Variants in PRKX observed in about 807,000 individuals in gnomAD.
PRKX encodes cAMP-dependent protein kinase catalytic subunit PRKX.
A neutral mutation model predicts 22.0 loss-of-function variants in PRKX; 12 were observed. The observed-to-expected ratio is 0.54, with a 90% confidence interval of 0.35 to 0.88. The LOEUF (loss-of-function observed/expected upper bound fraction) is 0.88. Ranked by LOEUF, PRKX falls within the 40% of genes least tolerant of loss-of-function variation. The pLI is 0.01. For missense variants in PRKX, 217 were observed against 308.0 expected, an observed-to-expected ratio of 0.70 and a Z score of 2.21; for synonymous variants, 134 against 137.7, an observed-to-expected ratio of 0.97 and a Z score of 0.19.
Position 3,642,078 on chromosome X carries a change from G to A in PRKX, c.600-107C>T, listed in dbSNP as rs143249403. On this transcript the variant is annotated intron_variant, in intron 3 of 8. Transcript: ENST00000262848. ...CAATAACTTCGTTGAGTAAAACCAC[G>A]CTCCGTTTACCCTCCTGTGCACATA... The A allele has an allele frequency of 3.4e-4, 327 of 950,595 alleles. 1 individual carries two copies. The African/African-American group carries it at 5.9e-3, about 17-fold the overall frequency. The allele number at this position is 950,595 out of a possible 1,213,427, so 78.3% of individuals were successfully genotyped here.
In PRKX at chrX:3,694,339, G is replaced by C. The variant is rs7887193; in HGVS notation, c.166+18749C>G. 7.7e-3 allele frequency among the ~76,000 whole-genome samples: 857 copies of C among 110,696 alleles called. 5 individuals carry two copies. The highest frequency in any genetic ancestry group is 0.027 in the African/African-American group (822 of 30,423). ...GGAGGCAGAGGTTACAGTGAGCCGA[G>C]ATGATGCCACTGCACTCCAGCCTGG... is the stretch of plus-strand genomic sequence containing the variant. On this transcript the variant is annotated intron_variant, in intron 1 of 8. Transcript: ENST00000262848.
chrX:3,665,463 G>A (rs773499244), intron 2 of PRKX, among the ~76,000 whole-genome samples: 16 of 110,412 alleles, frequency 1.4e-4, no homozygotes, highest in Non-Finnish European at 2.6e-4. Flanking sequence ...GTGACAGAGC[G>A]AGACTCCATC....
intron 1 of PRKX, among the ~76,000 whole-genome samples, chrX:3,706,850 G>C (rs7063670): frequency 0.052 from 5,825 of 111,986 alleles, 287 homozygotes; most frequent in African/African-American, 0.16. Flanking sequence ...AAGGCTACAA[G>C]CATGGTGGAT....
In PRKX at chrX:3,713,080, T is replaced by G. The variant is rs755962744; in HGVS notation, c.166+8A>C. 6.0e-6 allele frequency: 7 copies of G among 1,160,442 alleles called. No individual in the cohort carries two copies. Among genetic ancestry groups the G allele is most frequent in the Non-Finnish European group, 6.9e-6 (6 of 873,355 alleles). ...CTGTGGGCCGAGTCCCCGCCCGCAC[T>G]CACTCACCCACGGTGGCCAGCGTGT... is the stretch of plus-strand genomic sequence containing the variant. On this transcript the variant is annotated splice_region_variant and intron_variant, in intron 1 of 8. Transcript: ENST00000262848.
rs1297841279 is a variant in PRKX at position 3,625,896 on chromosome X, A to G, written c.815+523T>C. On this transcript the variant is annotated intron_variant, in intron 5 of 8. Coordinates refer to ENST00000262848, the MANE Select transcript of PRKX (RefSeq NM_005044.5). The stretch of plus-strand genomic sequence containing the variant: ...GCGTTCTTATATTTAAGAAAATAAT[A>G]TATTTTTTCCCTACTGCCACGACCT... 5.4e-5 allele frequency among the ~76,000 whole-genome samples: 6 copies of G among 111,926 alleles called. No homozygotes were observed. The Admixed American group carries it at 5.7e-4, about 11-fold the overall frequency.
chrX:3,677,872 G>C (rs1319764097), intron 1 of PRKX, among the ~76,000 whole-genome samples: 1 of 112,112 alleles, frequency 8.9e-6, no homozygotes, highest in African/African-American at 3.2e-5. Flanking sequence ...TAGCTGACAG[G>C]TGTTAAATAT....
At chrX:3,618,607 T>C (rs908333760) in intron 6 of PRKX, among the ~76,000 whole-genome samples, 3 of 108,957 alleles carry the variant, frequency 2.8e-5, no homozygotes, top group African/African-American at 1.0e-4. Flanking sequence ...AATACCATTT[T>C]CATGTGTTAA....
chrX:3,605,012 G>GACACACATACACACACACACACACAC lies in PRKX; in HGVS notation c.*3956_*3957insGTGTGTGTGTGTGTGTGTATGTGTGT, dbSNP rs1926131815. On this transcript the variant is annotated 3_prime_UTR_variant, in exon 9 of 9. Transcript: ENST00000262848. Reference sequence around the variant, plus strand: ...AAATACAGCCCCTCACCTTCACCAAGACACACACACACACACACACACACA... The same window carrying GACACACATACACACACACACACACAC: ...AAATACAGCCCCTCACCTTCACCAAGACACACATACACACACACACACACACACACACACACACACACACACACACA... 1 of 84,556 alleles carries GACACACATACACACACACACACACAC rather than the reference G, an allele frequency of 1.2e-5. No homozygotes were observed. The highest frequency in any genetic ancestry group is 4.4e-5 in the African/African-American group (1 of 22,509). 7.0% of individuals were successfully genotyped at this position (84,556 alleles called of 1,213,427 possible). A position where few individuals can be genotyped will look rare whatever the true frequency, so the allele number is the denominator to read the frequency against.
chrX:3,605,764 T>C lies in PRKX; in HGVS notation c.*3205A>G, dbSNP rs1299326344. ...AACAAGTGATTGTGCAGTTGTTTGA[T>C]GGGCATGGAGAGGGAGTGGGGCTGA... On this transcript the variant is annotated 3_prime_UTR_variant, in exon 9 of 9. Coordinates refer to ENST00000262848, the MANE Select transcript of PRKX (RefSeq NM_005044.5). 8.9e-6 allele frequency: 1 copy of C among 112,362 alleles called. No individual in the cohort carries two copies. The highest frequency in any genetic ancestry group is 3.2e-5 in the African/African-American group (1 of 30,926). The allele number at this position is 112,362 out of a possible 1,213,427, so 9.3% of individuals were successfully genotyped here. A position where few individuals can be genotyped will look rare whatever the true frequency, so the allele number is the denominator to read the frequency against.
At chrX:3,621,825 C>G (rs918398079) in intron 5 of PRKX, among the ~76,000 whole-genome samples, 2 of 111,253 alleles carry the variant, frequency 1.8e-5, no homozygotes, top group African/African-American at 6.5e-5. Context: ...TTTTAAATAA[C>G]AGACCATGTC....
intron 5 of PRKX, among the ~76,000 whole-genome samples, chrX:3,624,673 G>T (rs1272408009): frequency 9.1e-6 from 1 of 110,364 alleles, no homozygotes; most frequent in Non-Finnish European, 1.9e-5. Flanking sequence ...AGTCTGGAGT[G>T]CAGTGGTGCA....
At chrX:3,626,825 T>C (rs1374667329) in intron 4 of PRKX, among the ~76,000 whole-genome samples, 1 of 111,672 alleles carries the variant, frequency 9.0e-6, no homozygotes, top group African/African-American at 3.3e-5. Flanking sequence ...CACCAGCCCA[T>C]TCCTTAACTG....
At chrX:3,650,067 C>G (rs1484171541) in intron 3 of PRKX, among the ~76,000 whole-genome samples, 1 of 109,981 alleles carries the variant, frequency 9.1e-6, no homozygotes. Context: ...CTTGAGCCTG[C>G]AAGTTCGAGG....
At chrX:3,703,654 T>C (rs1189548768) in intron 1 of PRKX, among the ~76,000 whole-genome samples, 150 of 100,693 alleles carry the variant, frequency 1.5e-3, no homozygotes, top group Non-Finnish European at 2.6e-3. Context: ...AATGTGTTTT[T>C]GGGTTTTTTT....
intron 2 of PRKX, among the ~76,000 whole-genome samples, chrX:3,663,642 A>T (rs1263747335): frequency 6.8e-4 from 74 of 108,033 alleles, no homozygotes; most frequent in African/African-American, 2.4e-3. Flanking sequence ...AAAAAAAAAA[A>T]AAAAAAAAAA....
rs761654978 is a variant in PRKX at position 3,640,993 on chromosome X, G to T, written c.719+859C>A. 4.5e-5 allele frequency among the ~76,000 whole-genome samples: 5 copies of T among 111,377 alleles called. No homozygotes were observed. The East Asian group carries it at 1.4e-3, about 31-fold the overall frequency. On this transcript the variant is annotated intron_variant, in intron 4 of 8. Coordinates refer to ENST00000262848, the MANE Select transcript of PRKX (RefSeq NM_005044.5). The stretch of plus-strand genomic sequence containing the variant: ...ACCCTGTATGCTCTAAAAAGGGGAG[G>T]AACCCTCAGCTCCAGGAATTGCCCA...
chrX:3,620,007 G>T (rs772928747), intron 6 of PRKX, among the ~76,000 whole-genome samples: 2 of 111,877 alleles, frequency 1.8e-5, no homozygotes, highest in Admixed American at 1.9e-4. Context: ...CGCATATCAG[G>T]TATGATACTA....
intron 1 of PRKX, among the ~76,000 whole-genome samples, chrX:3,705,294 T>TG (rs1928659547): frequency 9.0e-6 from 1 of 111,437 alleles, no homozygotes; most frequent in Admixed American, 9.5e-5. Flanking sequence ...GTCCCTTTTA[T>TG]AAGGACATTG....
At chrX:3,638,337 C>T (rs762329634) in intron 4 of PRKX, among the ~76,000 whole-genome samples, 5 of 110,877 alleles carry the variant, frequency 4.5e-5, no homozygotes, top group South Asian at 3.8e-4. Context: ...ATATTATGTC[C>T]TAATAGTATA....
Sources: gnomAD v4.1 joint callset for allele counts (sites outside exome capture counted in the v4.1 genomes callset) on GRCh38, gnomAD v4.1.1 for gene constraint, MANE v1.5 for transcripts, NCBI Gene and HGNC (gene_info 2026-07-23, HGNC 2026-07-21) for gene names.